RNF149: variants seen among roughly 807,000 people sequenced by gnomAD.
The protein encoded by RNF149 is ring finger protein 149, also known as E3 ubiquitin-protein ligase RNF149.
Under a neutral mutation model 39.0 loss-of-function variants are expected in RNF149, and 21 were observed. That is an observed-to-expected ratio of 0.54 (90% CI 0.38 to 0.77). The LOEUF (loss-of-function observed/expected upper bound fraction) is 0.77. RNF149 is among the 30% of genes least tolerant of loss of function. RNF149 has a pLI of 0.00. For missense variants in RNF149, 493 were observed against 534.9 expected (o/e 0.92, Z 0.77); for synonymous variants, 209 against 213.6 (o/e 0.98, Z 0.19).
At chr2:101,288,472 G>A (rs1438277131) in intron 4 of RNF149, among the ~76,000 whole-genome samples, 1 of 151,938 alleles carries the variant, frequency 6.6e-6, no homozygotes, top group African/African-American at 2.4e-5. Context: ...ACCTGCATCA[G>A]CCTCCCAAAG....
chr2:101,308,489 C>G lies in RNF149; in HGVS notation c.100G>C (p.Ala34Pro), dbSNP rs758351575. Residue 34 changes from alanine to proline, a missense_variant, in exon 1 of 7, where the codon GCT (alanine) becomes CCT (proline). Transcript: ENST00000295317. ...ACCACGGCCGAGAACCACTCGAGAG[C>G]CCGGCCCCGGGCCCCGGGCACGCAC... The part of the protein sequence containing the change: ...ALCVPGARGR[A>P]LEWFSAVVNI... 1.9e-5 allele frequency: 31 copies of G among 1,610,704 alleles called. No individual in the cohort carries two copies. The Admixed American group carries it at 4.8e-4, about 25-fold the overall frequency.
rs184203747 is a variant in RNF149 at position 101,306,942 on chromosome 2, C to T, written c.460+1187G>A. Among the ~76,000 whole-genome samples the T allele has an allele frequency of 2.6e-4, 40 of 152,274 alleles. 1 individual carries two copies. Among genetic ancestry groups the T allele is most frequent in the African/African-American group, 8.9e-4 (37 of 41,550 alleles). ...ACTTAGTAGCAGTGGAAACTGAAAA[C>T]AAAAACCAAAACTAACCACATTAAG... is the stretch of plus-strand genomic sequence containing the variant. On this transcript the variant is annotated intron_variant, in intron 1 of 6. Transcript: ENST00000295317.
Position 101,295,137 on chromosome 2 carries a change from T to C in RNF149, c.505A>G (p.Arg169Gly). The C allele has an allele frequency of 6.2e-7, 1 of 1,613,788 alleles. No individual in the cohort carries two copies. Among genetic ancestry groups the C allele is most frequent in the Non-Finnish European group, 8.5e-7 (1 of 1,179,634 alleles). ...TTTTGCACCAGCTCCAAAATTTCTCTTCCTTTTGGATAGCTAATCATAATG... is the reference window on the plus strand; with the variant it reads ...TTTTGCACCAGCTCCAAAATTTCTCCTCCTTTTGGATAGCTAATCATAATG... The part of the protein sequence containing the change: ...VVIMISYPKG[R>G]EILELVQKGI... Residue 169 changes from arginine to glycine, a missense_variant, in exon 2 of 7, where the codon AGA becomes GGA. Arg to Gly is a moderately radical substitution (Grantham distance 125, BLOSUM62 -2). Coordinates refer to ENST00000295317, the MANE Select transcript of RNF149 (RefSeq NM_173647.4).
At position 101,307,749 on chromosome 2, in the gene RNF149, G is replaced by C. The variant is rs1683728879; in HGVS notation, c.460+380C>G. ...GACAACCGATCGTGGGGCGCGCTGG[G>C]GGAAGAGTTTGGATTCCTACTCACC... On this transcript the variant is annotated intron_variant, in intron 1 of 6. Transcript: ENST00000295317. 1.1e-5 allele frequency: 10 copies of C among 895,650 alleles called. No homozygotes were observed. The South Asian group carries it at 5.1e-4, about 46-fold the overall frequency. 55.5% of individuals were successfully genotyped at this position (895,650 alleles called of 1,614,324 possible).
chr2:101,271,964 T>C (rs1176190798), downstream of RNF149, among the ~76,000 whole-genome samples: 1 of 152,210 alleles, frequency 6.6e-6, no homozygotes, highest in African/African-American at 2.4e-5. Context: ...GCTGGGAGAA[T>C]GATGGTCACA....
At position 101,286,071 on chromosome 2, in the gene RNF149, TG is replaced by T. The variant is rs1186485020; in HGVS notation, c.960+9del. 1.9e-6 allele frequency: 3 copies of T among 1,542,760 alleles called. No individual in the cohort carries two copies. The highest frequency in any genetic ancestry group is 2.7e-6 in the Non-Finnish European group (3 of 1,118,592). ...GGCAGAGATTGAATATAAACAAAAA[TG>T]TAACAAACCCAATATCCTAGGGCTT... On this transcript the variant is annotated intron_variant, in intron 5 of 6. Transcript: ENST00000295317.
intron 3 of RNF149, among the ~76,000 whole-genome samples, chr2:101,292,767 A>T (rs1683066437): frequency 6.6e-6 from 1 of 152,060 alleles, no homozygotes. Flanking sequence ...CTCCATCTCA[A>T]ATGAAGAAAA....
chr2:101,272,930 C>T (rs1473519503), downstream of RNF149: 5 of 1,351,514 alleles, frequency 3.7e-6, no homozygotes, highest in African/African-American at 5.9e-5. Flanking sequence ...AGCTTCCAAT[C>T]CTGCTACTGA....
At position 101,278,495 on chromosome 2, in the gene RNF149, C is replaced by T. The variant is rs1478843190; in HGVS notation, c.1160-1214G>A. Among the ~76,000 whole-genome samples the T allele has an allele frequency of 2.6e-5, 4 of 152,026 alleles. No homozygotes were observed. In the East Asian group the frequency reaches 7.7e-4, roughly 29 times the overall value. On this transcript the variant is annotated intron_variant, in intron 6 of 6. Transcript: ENST00000295317. ...CATAAGTAATCTCATAAAATGCTTC[C>T]TCTTGTTTTATAAATATAAGTGTAT...
intron 1 of RNF149, among the ~76,000 whole-genome samples, chr2:101,299,778 G>A (rs976683861): frequency 6.6e-6 from 1 of 152,218 alleles, no homozygotes; most frequent in Non-Finnish European, 1.5e-5. Flanking sequence ...CTCACTTGAA[G>A]CAGGCAAAGG....
At chr2:101,284,827 T>C (rs1682730227) in intron 5 of RNF149, among the ~76,000 whole-genome samples, 6 of 152,202 alleles carry the variant, frequency 3.9e-5, no homozygotes, top group African/African-American at 1.4e-4. Flanking sequence ...ATAAACTCTA[T>C]GAAAAACTCT....
chr2:101,294,574 G>A (rs1366017114), intron 2 of RNF149: 6 of 214,726 alleles, frequency 2.8e-5, no homozygotes, highest in South Asian at 7.9e-5. Flanking sequence ...GCTCTCTGAC[G>A]GCCCTTCTCT....
chr2:101,285,875 T>C (rs1682775187), intron 5 of RNF149, among the ~76,000 whole-genome samples: 1 of 152,232 alleles, frequency 6.6e-6, no homozygotes, highest in Non-Finnish European at 1.5e-5. Flanking sequence ...CATCTGAGCA[T>C]ATTATTCTAC....
In RNF149 at chr2:101,281,945, C is replaced by A. The variant is rs372353621; in HGVS notation, c.1073G>T (p.Ser358Ile). Residue 358 changes from serine (S) to isoleucine (I), a missense_variant, in exon 6 of 7, where the codon AGT (serine) becomes ATT (isoleucine). By Grantham distance (142) the Ser-to-Ile change is moderately radical (BLOSUM62 -2). Transcript: ENST00000295317. The part of the protein sequence containing the change: ...LPDDDGSDDS[S>I]PPSASPAESE... ...TTCAGCAGGGGAGGCTGATGGTGGA[C>A]TGCTGTCATCACTTCCGTCATCATC... The A allele has an allele frequency of 6.2e-7, 1 of 1,613,984 alleles. No individual in the cohort carries two copies. Among genetic ancestry groups the A allele is most frequent in the Non-Finnish European group, 8.5e-7 (1 of 1,179,942 alleles).
chr2:101,288,034 G>A (rs1328688147), intron 4 of RNF149, among the ~76,000 whole-genome samples: 1 of 151,964 alleles, frequency 6.6e-6, no homozygotes, highest in African/African-American at 2.4e-5. Context: ...GTCTTGCCAT[G>A]TCACCCAGGC....
At chr2:101,287,660 C>T (rs1426717345) in intron 4 of RNF149, among the ~76,000 whole-genome samples, 1 of 152,216 alleles carries the variant, frequency 6.6e-6, no homozygotes, top group Admixed American at 6.5e-5. Context: ...TCAACTTATA[C>T]TGATCCAACC....
chr2:101,288,868 C>CAA (rs762203458), intron 4 of RNF149, 105 bp downstream of exon 4: 22 of 621,106 alleles, frequency 3.5e-5, no homozygotes, highest in African/African-American at 2.8e-4. Context: ...GAGATGATCA[C>CAA]AAATTACAAG....
chr2:101,287,158 C>T (rs1314535787), intron 4 of RNF149, among the ~76,000 whole-genome samples: 1 of 152,024 alleles, frequency 6.6e-6, no homozygotes, highest in Non-Finnish European at 1.5e-5. Flanking sequence ...CCGCTCTACA[C>T]TAAAAATACA....
chr2:101,281,132 T>C (rs1682566375), intron 6 of RNF149, among the ~76,000 whole-genome samples: 1 of 152,200 alleles, frequency 6.6e-6, no homozygotes, highest in Non-Finnish European at 1.5e-5. Flanking sequence ...AGACAAGGCA[T>C]AAGTATATAT....
Sources: gnomAD v4.1 joint callset for allele counts (sites outside exome capture counted in the v4.1 genomes callset) on GRCh38, gnomAD v4.1.1 for gene constraint, MANE v1.5 for transcripts, NCBI Gene and HGNC (gene_info 2026-07-23, HGNC 2026-07-21) for gene names.